Variants in XPOT observed in about 807,000 individuals in gnomAD.
XPOT encodes the protein exportin for tRNA.
XPOT carries 34 observed loss-of-function variants against 128.2 expected under a neutral mutation model. That is an observed-to-expected ratio of 0.27 (90% CI 0.20 to 0.35). XPOT has a LOEUF of 0.35. Ranked by LOEUF, XPOT falls within the 10% of genes least tolerant of loss-of-function variation. XPOT has a pLI of 1.00. For missense variants in XPOT, 838 were observed against 1,125.3 expected, an observed-to-expected ratio of 0.74 and a Z score of 3.65; for synonymous variants, 348 against 394.3, an observed-to-expected ratio of 0.88 and a Z score of 1.39.
At position 64,431,830 on chromosome 12, in the gene XPOT, C is replaced by T. The variant is rs1011959215; in HGVS notation, c.2262+7C>T. On this transcript the variant is annotated splice_region_variant and intron_variant, in intron 18 of 24. Coordinates refer to ENST00000332707, the MANE Select transcript of XPOT (RefSeq NM_007235.6). ...GATTACGGCCAAATTCAAGGTACCG[C>T]AAACTTTCAGAGCTCTGAAAATCTC... The T allele has an allele frequency of 6.2e-7, 1 of 1,607,582 alleles. No homozygotes were observed. Among genetic ancestry groups the T allele is most frequent in the Admixed American group, 1.7e-5 (1 of 59,750 alleles).
intron 9 of XPOT, among the ~76,000 whole-genome samples, chr12:64,422,789 C>CT: frequency 6.6e-6 from 1 of 151,560 alleles, no homozygotes; most frequent in Non-Finnish European, 1.5e-5. Flanking sequence ...GCGGTCCCAG[C>CT]TAACTTGGGA....
At position 64,433,496 on chromosome 12, in the gene XPOT, A is replaced by C. The variant is rs761101357; in HGVS notation, c.2345A>C (p.Glu782Ala). The C allele has an allele frequency of 2.4e-5, 38 of 1,612,192 alleles. No homozygotes were observed. In the East Asian group the frequency reaches 8.3e-4, roughly 35 times the overall value. Residue 782 changes from glutamate (E) to alanine (A), a missense_variant, in exon 19 of 25, where the codon GAA (glutamate) becomes GCA (alanine). Coordinates refer to ENST00000332707, the MANE Select transcript of XPOT (RefSeq NM_007235.6). ...IFEVLLRPAE[E>A]NDQSAALEKQ... ...GAAGTGCTGCTCCGGCCAGCAGAAG[A>C]AAATGACCAGTCTGCTGCTTTAGAG...
chr12:64,425,852 G>A lies in XPOT; in HGVS notation c.1610G>A (p.Ser537Asn), dbSNP rs200960751. The A allele has an allele frequency of 1.9e-6, 3 of 1,614,140 alleles. No homozygotes were observed. Among genetic ancestry groups the A allele is most frequent in the South Asian group, 1.1e-5 (1 of 91,082 alleles). Residue 537 changes from serine to asparagine, a missense_variant, in exon 15 of 25, where the codon AGT (serine) becomes AAT (asparagine). Physicochemically the swap from Ser to Asn is conservative, Grantham distance 46 (BLOSUM62 1). This residue lies in a region of XPOT where 761 missense variants were observed against 988.3 expected (regional missense o/e 0.77). Coordinates refer to ENST00000332707, the MANE Select transcript of XPOT (RefSeq NM_007235.6). ...GATCACAGAGGTCTGCGGCATTCCA[G>A]TGCAAAAGTTCGGAGCAGGACGGCT... Reference protein sequence around the residue: ...FLDHRGLRHSSAKVRSRTAYL... With the variant: ...FLDHRGLRHSNAKVRSRTAYL...
intron 3 of XPOT, among the ~76,000 whole-genome samples, chr12:64,416,092 C>T (rs535139179): frequency 2.0e-5 from 3 of 152,322 alleles, no homozygotes; most frequent in South Asian, 4.1e-4. Context: ...TGCAACTCTG[C>T]CACTCCCCTA....
chr12:64,449,542 TTTCATGAATGGGC>T lies in XPOT; in HGVS notation c.*1416_*1428del, dbSNP rs1462013992. 4 of 152,216 alleles carry T rather than the reference TTTCATGAATGGGC, an allele frequency of 2.6e-5. No individual in the cohort carries two copies. The highest frequency in any genetic ancestry group is 7.2e-5 in the African/African-American group (3 of 41,462). 9.4% of individuals were successfully genotyped at this position (152,216 alleles called of 1,614,324 possible). A position where few individuals can be genotyped will look rare whatever the true frequency, so the allele number is the denominator to read the frequency against. Reference sequence around the variant, plus strand: ...TTTGCCCTTTGGCCTCATGAATGGGTTTCATGAATGGGCTTCAGTGGCTTATAAACTCTGTAAA... The same window carrying T: ...TTTGCCCTTTGGCCTCATGAATGGGTTTCAGTGGCTTATAAACTCTGTAAA... On this transcript the variant is annotated 3_prime_UTR_variant, in exon 25 of 25. Coordinates refer to ENST00000332707, the MANE Select transcript of XPOT (RefSeq NM_007235.6).
At chr12:64,421,094 G>A in intron 8 of XPOT, 141 bp from the exon 9 acceptor site, 2 of 727,214 alleles carry the variant, frequency 2.8e-6, no homozygotes, top group Admixed American at 2.2e-5. Flanking sequence ...AAGCCACCGT[G>A]CCCAGCCTGG....
chr12:64,405,126 C>A (rs927984438), intron 1 of XPOT: 1 of 152,230 alleles, frequency 6.6e-6, no homozygotes, highest in South Asian at 2.1e-4. Flanking sequence ...GGGTCGGCAT[C>A]GCCTGTGGTT....
intron 23 of XPOT, chr12:64,443,315 A>T (rs2040341941): frequency 6.6e-6 from 1 of 152,236 alleles, no homozygotes; most frequent in Admixed American, 6.5e-5. Flanking sequence ...GGGCCCCTTC[A>T]TAGGTGGTGG....
rs2040186833 is a variant in XPOT, at chr12:64,425,736, G to T, written c.1573-79G>T. On this transcript the variant is annotated intron_variant, in intron 14 of 24. Transcript: ENST00000332707. ...TAGGAGCTAAGAAGTAAAATTTGGT[G>T]TGAACAAAAATGTAGCAGGACAATA... The T allele has an allele frequency of 2.6e-5, 37 of 1,417,770 alleles. 1 individual carries two copies. In the South Asian group the frequency reaches 4.3e-4, roughly 17 times the overall value. 87.8% of individuals were successfully genotyped at this position (1,417,770 alleles called of 1,614,324 possible).
rs112684577 is a variant in XPOT at position 64,423,274 on chromosome 12, G to T, written c.1182+30G>T. The T allele has an allele frequency of 2.8e-4, 397 of 1,405,300 alleles. 2 individuals carry two copies. The African/African-American group carries it at 4.8e-3, about 17-fold the overall frequency. 87.1% of individuals were successfully genotyped at this position (1,405,300 alleles called of 1,614,324 possible). On this transcript the variant is annotated intron_variant, in intron 11 of 24. Coordinates refer to ENST00000332707, the MANE Select transcript of XPOT (RefSeq NM_007235.6). ...GAATTTTTTTTTGTTGAGGAGAAAG[G>T]AGTTTTAATTTTATTATTATATCAA...
intron 15 of XPOT, among the ~76,000 whole-genome samples, chr12:64,426,811 G>A (rs932574026): frequency 6.6e-6 from 1 of 151,890 alleles, no homozygotes; most frequent in Non-Finnish European, 1.5e-5. Flanking sequence ...GATGAAACCC[G>A]GTCTCTACTA....
At chr12:64,411,726 G>A (rs1027745542) in intron 2 of XPOT, among the ~76,000 whole-genome samples, 2 of 152,108 alleles carry the variant, frequency 1.3e-5, no homozygotes, top group African/African-American at 2.4e-5. Context: ...ATTCAGTTTG[G>A]TGGTGAGAAG....
In XPOT at chr12:64,409,947, T is replaced by C; in HGVS notation, c.-74-15T>C. On this transcript the variant is annotated splice_polypyrimidine_tract_variant and intron_variant, in intron 1 of 24. Transcript: ENST00000332707. The stretch of plus-strand genomic sequence containing the variant: ...ATCAAGTAATGTTTTCTTTCAACTT[T>C]GTTTTTTGTGGCAGATGTTTATAAA... 1 of 1,006,312 alleles carries C rather than the reference T, an allele frequency of 9.9e-7. No homozygotes were observed. Among genetic ancestry groups the C allele is most frequent in the Non-Finnish European group, 1.6e-6 (1 of 641,976 alleles). 62.3% of individuals were successfully genotyped at this position (1,006,312 alleles called of 1,614,324 possible). A position where few individuals can be genotyped will look rare whatever the true frequency, so the allele number is the denominator to read the frequency against.
intron 15 of XPOT, among the ~76,000 whole-genome samples, chr12:64,427,752 G>A (rs368743329): frequency 2.0e-5 from 3 of 152,068 alleles, no homozygotes; most frequent in East Asian, 3.9e-4. Flanking sequence ...GCCTCCCAAC[G>A]TGTTGGGATT....
intron 1 of XPOT, among the ~76,000 whole-genome samples, chr12:64,405,651 C>T (rs1307510468): frequency 1.3e-5 from 2 of 152,216 alleles, no homozygotes; most frequent in African/African-American, 4.8e-5. Context: ...CGGAGTCTCG[C>T]TCGGTCGCCC....
chr12:64,420,127 C>T lies in XPOT; in HGVS notation c.547C>T (p.Leu183=), dbSNP rs770328101. The T allele has an allele frequency of 3.1e-6, 5 of 1,609,554 alleles. No individual in the cohort carries two copies. In the South Asian group the frequency reaches 5.6e-5, roughly 18 times the overall value. ...CATGAGGGAACAGTGCATTCCAAAT[C>T]TGGTGGAATCATGGTACCAAATATT... ...DTMREQCIPN[L]VESWYQILQN... is the part of the protein sequence containing the mutation. The change falls in exon 7 of 25, where the codon CTG becomes TTG. Residue 183 remains leucine (L), a synonymous_variant. Coordinates refer to ENST00000332707, the MANE Select transcript of XPOT (RefSeq NM_007235.6).
rs776183184 is a variant in XPOT, at chr12:64,435,638, G to C, written c.2697G>C (p.Glu899Asp). The C allele has an allele frequency of 8.8e-6, 14 of 1,597,472 alleles. No homozygotes were observed. The highest frequency in any genetic ancestry group is 1.2e-5 in the Non-Finnish European group (14 of 1,170,348). The change falls in exon 22 of 25, where the codon GAG (glutamate) becomes GAC (aspartate). Residue 899 changes from glutamate (E) to aspartate (D), a missense_variant. By Grantham distance (45) the Glu-to-Asp change is conservative. Transcript: ENST00000332707. ...ADAQTVLALS[E>D]CAVTLKTIHL... ...CTTGTTTTTCACAGGCTTTATCTGA[G>C]TGTGCAGTGACACTGAAAACAATTC...
intron 23 of XPOT, among the ~76,000 whole-genome samples, chr12:64,441,122 G>T (rs905031259): frequency 2.0e-4 from 30 of 152,182 alleles, no homozygotes; most frequent in African/African-American, 7.2e-4. Flanking sequence ...TAAGATAAGG[G>T]TCTCGTTTTC....
chr12:64,421,585 G>T (rs1053147711), intron 9 of XPOT, 114 bp downstream of exon 9: 1 of 674,238 alleles, frequency 1.5e-6, no homozygotes, highest in South Asian at 1.9e-5. Flanking sequence ...ACTACCTAAA[G>T]ATATTTACTG....
Sources: allele counts gnomAD v4.1 joint callset (sites outside exome capture counted in the v4.1 genomes callset), GRCh38; gene constraint gnomAD v4.1.1; regional missense constraint gnomAD v4.1.1; transcripts MANE v1.5; gene names NCBI Gene and HGNC (gene_info 2026-07-23, HGNC 2026-07-21).